The following PPP1R36 variants were observed in gnomAD, a reference collection of about 807,000 sequenced individuals.
The protein encoded by PPP1R36 is protein phosphatase 1 regulatory subunit 36, also known as chromosome 14 open reading frame 50.
A neutral mutation model predicts 53.4 loss-of-function variants in PPP1R36; 47 were observed. That is an observed-to-expected ratio of 0.88 (90% CI 0.70 to 1.12). The LOEUF (loss-of-function observed/expected upper bound fraction) is 1.12. PPP1R36 is among the 50% of genes most tolerant of loss of function. The probability of loss-of-function intolerance (pLI) is 0.00; values close to 1 mark genes in which losing one functional copy is unlikely to be tolerated. For synonymous variants in PPP1R36, 153 were observed against 170.5 expected, an observed-to-expected ratio of 0.90 and a Z score of 0.80; for missense variants, 456 against 513.9, an observed-to-expected ratio of 0.89 and a Z score of 1.09.
intron 2 of PPP1R36, chr14:64,551,494 GAC>G: frequency 2.9e-6 from 1 of 341,122 alleles, no homozygotes; most frequent in Non-Finnish European, 5.8e-6. Context: ...TATGAAAAAA[GAC>G]ACTGACTCTT....
chr14:64,589,186 AACCC>A lies in PPP1R36; in HGVS notation c.1120_1123del (p.Pro374IlefsTer21). On this transcript the variant is annotated frameshift_variant, in exon 12 of 12. Transcript: ENST00000298705. LOFTEE classifies it low-confidence loss of function (END_TRUNC). The stretch of plus-strand genomic sequence containing the variant: ...CTTGGGGGAGCCTCGATGTCTATTC[AACCC>A]ACATACGCTTCACCCCCTTGATCCA... The A allele has an allele frequency of 6.2e-7, 1 of 1,613,514 alleles. No homozygotes were observed. Among genetic ancestry groups the A allele is most frequent in the Non-Finnish European group, 8.5e-7 (1 of 1,179,842 alleles).
intron 8 of PPP1R36, among the ~76,000 whole-genome samples, chr14:64,581,833 A>T (rs1246459431): frequency 2.0e-5 from 3 of 152,138 alleles, no homozygotes; most frequent in African/African-American, 7.2e-5. Flanking sequence ...TGTCTGAGGA[A>T]CCCTGACATC....
chr14:64,570,053 A>G (rs1382918324), intron 7 of PPP1R36, among the ~76,000 whole-genome samples: 4 of 151,994 alleles, frequency 2.6e-5, no homozygotes, highest in African/African-American at 9.7e-5. Context: ...TTCTTAATTG[A>G]TAAGAATAGA....
At chr14:64,587,610 G>A (rs568703103) in intron 10 of PPP1R36, among the ~76,000 whole-genome samples, 22 of 151,396 alleles carry the variant, frequency 1.5e-4, no homozygotes, top group Non-Finnish European at 2.5e-4. Context: ...ACAGACATGC[G>A]CCACCACGCC....
Position 64,555,692 on chromosome 14 carries a change from G to A in PPP1R36, c.182+2831G>A, listed in dbSNP as rs536400769. Among the ~76,000 whole-genome samples the A allele has an allele frequency of 3.9e-5, 6 of 152,212 alleles. No individual in the cohort carries two copies. In the South Asian group the frequency reaches 1.2e-3, roughly 32 times the overall value. ...ACACCTGGGAATAGCACCAGCCGCT[G>A]TACTGCAGTCTGAACAACATAGCAA... On this transcript the variant is annotated intron_variant, in intron 3 of 11. Coordinates refer to ENST00000298705, the MANE Select transcript of PPP1R36 (RefSeq NM_172365.3).
At position 64,568,358 on chromosome 14, in the gene PPP1R36, T is replaced by A. The variant is rs1002485012; in HGVS notation, c.444T>A (p.Asn148Lys). ...CSFTTFMRNK[N>K]LDNFLMALLY... ...TCAAATCTCCCCATAGGAATAAGAA[T>A]CTTGATAATTTCCTCATGGCATTAT... The change falls in exon 7 of 12, where the codon AAT becomes AAA. Residue 148 changes from asparagine to lysine, a missense_variant. Asn to Lys is a moderately conservative substitution (Grantham distance 94). Transcript: ENST00000298705. 2 of 1,476,228 alleles carry A rather than the reference T, an allele frequency of 1.4e-6. No individual in the cohort carries two copies. The highest frequency in any genetic ancestry group is 1.8e-6 in the Non-Finnish European group (2 of 1,081,456). 91.4% of individuals were successfully genotyped at this position (1,476,228 alleles called of 1,614,324 possible).
intron 3 of PPP1R36, among the ~76,000 whole-genome samples, chr14:64,557,620 T>C (rs1048905319): frequency 6.6e-6 from 1 of 152,232 alleles, no homozygotes; most frequent in Non-Finnish European, 1.5e-5. Context: ...TGGCTTGATA[T>C]GTCTTAATTA....
At chr14:64,552,896 AT>A (rs1274244873) in intron 3 of PPP1R36, 35 bp downstream of exon 3, 1 of 1,571,754 alleles carries the variant, frequency 6.4e-7, no homozygotes, top group South Asian at 1.1e-5. Flanking sequence ...TAGCTTTGGG[AT>A]TAGACAGACA....
In PPP1R36 at chr14:64,574,439, T is replaced by C; in HGVS notation, c.534-16T>C. On this transcript the variant is annotated splice_polypyrimidine_tract_variant and intron_variant, in intron 7 of 11. Transcript: ENST00000298705. The stretch of plus-strand genomic sequence containing the variant: ...ACAATTAACCCAAATTCTCTTTTTT[T>C]TGTCCTCCCCATCAGAGGCCTTGTA... 1 of 1,591,732 alleles carries C rather than the reference T, an allele frequency of 6.3e-7. No individual in the cohort carries two copies. The highest frequency in any genetic ancestry group is 1.4e-5 in the African/African-American group (1 of 73,648).
At chr14:64,550,437 G>A (rs1210456651) in intron 1 of PPP1R36, among the ~76,000 whole-genome samples, 1 of 152,180 alleles carries the variant, frequency 6.6e-6, no homozygotes, top group African/African-American at 2.4e-5. Flanking sequence ...TTAACTTTTT[G>A]CCACTGCCTG....
intron 8 of PPP1R36, among the ~76,000 whole-genome samples, chr14:64,583,569 C>G (rs995760825): frequency 3.3e-5 from 5 of 152,088 alleles, no homozygotes; most frequent in African/African-American, 1.2e-4. Flanking sequence ...AACCCCAGCA[C>G]TTCAGGAGGC....
At chr14:64,573,525 G>A (rs370787145) in intron 7 of PPP1R36, among the ~76,000 whole-genome samples, 2 of 152,284 alleles carry the variant, frequency 1.3e-5, no homozygotes, top group East Asian at 3.9e-4. Context: ...AACCGCCTGA[G>A]CAACCAGTAT....
intron 1 of PPP1R36, 125 bp downstream of exon 1, chr14:64,550,191 G>C (rs770905194): frequency 2.6e-4 from 377 of 1,446,850 alleles, no homozygotes; most frequent in Non-Finnish European, 3.2e-4. Flanking sequence ...CCGGGCTGGC[G>C]GTTCTCAAAG....
chr14:64,574,402 T>A, intron 7 of PPP1R36, 53 bp from the exon 8 acceptor site: 1 of 1,542,540 alleles, frequency 6.5e-7, no homozygotes, highest in East Asian at 2.2e-5. Context: ...CTAGTTAATA[T>A]AGGCACTTAT....
At chr14:64,571,344 C>G (rs915330808) in intron 7 of PPP1R36, among the ~76,000 whole-genome samples, 1 of 152,090 alleles carries the variant, frequency 6.6e-6, no homozygotes, top group African/African-American at 2.4e-5. Context: ...CCAGGCTGAC[C>G]TTGAACTCCT....
intron 3 of PPP1R36, chr14:64,562,005 A>G: frequency 3.1e-6 from 1 of 327,418 alleles, no homozygotes; most frequent in South Asian, 2.5e-5. Flanking sequence ...AGAAAATATG[A>G]ATTTCTTTCC....
At chr14:64,556,610 T>C (rs2140218660) in intron 3 of PPP1R36, among the ~76,000 whole-genome samples, 1 of 149,074 alleles carries the variant, frequency 6.7e-6, no homozygotes, top group African/African-American at 2.5e-5. Flanking sequence ...AATTTTTTTT[T>C]TTTTTTTTTT....
intron 8 of PPP1R36, among the ~76,000 whole-genome samples, chr14:64,582,580 T>C (rs1283785342): frequency 6.6e-6 from 1 of 152,260 alleles, no homozygotes; most frequent in Non-Finnish European, 1.5e-5. Context: ...GTAGTCCAAA[T>C]TGAAACATAC....
intron 8 of PPP1R36, among the ~76,000 whole-genome samples, chr14:64,578,712 A>T (rs1482912587): frequency 6.6e-6 from 1 of 152,246 alleles, no homozygotes. Flanking sequence ...TTCCTCAAAG[A>T]GCTAAAAGCA....
Sources: gnomAD v4.1 joint callset for allele counts (sites outside exome capture counted in the v4.1 genomes callset) on GRCh38, gnomAD v4.1.1 for gene constraint, MANE v1.5 for transcripts, NCBI Gene and HGNC (gene_info 2026-07-23, HGNC 2026-07-21) for gene names.